NBEAL1: variants seen among roughly 807,000 people sequenced by gnomAD.
NBEAL1 encodes the protein neurobeachin like 1, also known as neurobeachin-like protein 1.
In NBEAL1, 273 loss-of-function variants were observed where a neutral mutation model predicts 351.3. That is an observed-to-expected ratio of 0.78 (90% CI 0.70 to 0.86). The LOEUF is 0.86. Ranked by LOEUF, NBEAL1 falls within the 40% of genes least tolerant of loss-of-function variation. The probability of loss-of-function intolerance (pLI) is 0.00; values close to 1 mark genes in which losing one functional copy is unlikely to be tolerated. For missense variants in NBEAL1, 2,961 were observed against 3,201.3 expected (o/e 0.92, Z 1.81); for synonymous variants, 1,050 against 1,086.4 (o/e 0.97, Z 0.66).
At position 203,202,765 on chromosome 2, in the gene NBEAL1, G is replaced by A; in HGVS notation, c.7490G>A (p.Trp2497Ter). 2 of 1,579,750 alleles carry A rather than the reference G, an allele frequency of 1.3e-6. No homozygotes were observed. Among genetic ancestry groups the A allele is most frequent in the Non-Finnish European group, 1.7e-6 (2 of 1,149,696 alleles). ...TCCAGAGATACTACATGTATGATAT[G>A]GCAAATAACACAACAGGTAGTCACA... ...SGSRDTTCMI[W>*]QITQQGGVPV... The change falls in exon 51 of 56, where the codon TGG (tryptophan) becomes TAG (stop). Residue 2497 changes from tryptophan to a stop codon, truncating the protein, a stop_gained. Coordinates refer to ENST00000683969, the MANE Select transcript of NBEAL1 (RefSeq NM_001378026.1). LOFTEE classifies it high-confidence loss of function.
rs182529739 is a variant in NBEAL1 at position 203,144,714 on chromosome 2, A to G, written c.4963A>G (p.Ile1655Val). The change falls in exon 32 of 56, where the codon ATC becomes GTC. Residue 1655 changes from isoleucine (I) to valine (V), a missense_variant. Physicochemically the swap from Ile to Val is conservative, Grantham distance 29. Coordinates refer to ENST00000683969, the MANE Select transcript of NBEAL1 (RefSeq NM_001378026.1). ...GKLEHVLSQSIKEQTEIYSFL... is the reference protein window; with the variant it reads ...GKLEHVLSQSVKEQTEIYSFL... ...GCTGGAACATGTTCTAAGTCAATCA[A>G]TCAAGGAACAGACTGAAATCTACTC... 8,299 of 1,614,164 alleles carry G rather than the reference A, an allele frequency of 5.1e-3. 69 individuals are homozygous for G. Among genetic ancestry groups the G allele is most frequent in the South Asian group, 5.0e-3 (459 of 91,086 alleles).
chr2:203,211,955 T>C (rs545927800), intron 54 of NBEAL1, among the ~76,000 whole-genome samples: 4 of 152,094 alleles, frequency 2.6e-5, no homozygotes, highest in Non-Finnish European at 5.9e-5. Flanking sequence ...TGGCATGATA[T>C]TGGCTCACTG....
intron 4 of NBEAL1, among the ~76,000 whole-genome samples, chr2:203,053,098 A>G (rs2061349298): frequency 6.6e-6 from 1 of 152,152 alleles, no homozygotes; most frequent in Admixed American, 6.5e-5. Flanking sequence ...TAAATGCTGA[A>G]GAGTATAATT....
chr2:203,091,477 A>G (rs989795380), intron 10 of NBEAL1, among the ~76,000 whole-genome samples: 5 of 152,140 alleles, frequency 3.3e-5, no homozygotes, highest in Non-Finnish European at 7.4e-5. Context: ...TCTTTTGTGT[A>G]TATACCCAGA....
chr2:203,170,756 T>C (rs1330033269), intron 39 of NBEAL1, among the ~76,000 whole-genome samples: 2 of 152,210 alleles, frequency 1.3e-5, no homozygotes, highest in East Asian at 1.9e-4. Context: ...ACGTTTCCTG[T>C]TGCCTCTGCA....
At position 203,168,893 on chromosome 2, in the gene NBEAL1, CAAAAAAAAAAA is replaced by C. The variant is rs35683401; in HGVS notation, c.5998-844_5998-834del. 6.2e-5 allele frequency among the ~76,000 whole-genome samples: 6 copies of C among 97,286 alleles called. No homozygotes were observed. In the Admixed American group the frequency reaches 8.0e-4, roughly 13 times the overall value. 63.8% of individuals were successfully genotyped at this position (97,286 alleles called of 152,430 possible). ...TGGGTGACAGAGCGAGACTCCATCT[CAAAAAAAAAAA>C]AAAAAAAAAGGCAATTTCCATTATT... On this transcript the variant is annotated intron_variant, in intron 38 of 55. Coordinates refer to ENST00000683969, the MANE Select transcript of NBEAL1 (RefSeq NM_001378026.1).
In NBEAL1 at chr2:203,051,495, G is replaced by A. The variant is rs989680291; in HGVS notation, c.305+1520G>A. On this transcript the variant is annotated intron_variant, in intron 4 of 55. Transcript: ENST00000683969. The stretch of plus-strand genomic sequence containing the variant: ...TGGGAGGCGGAGGTTTCAGTGTGCC[G>A]AGATCATGCCATTGCACTTCAGCCT... Among the ~76,000 whole-genome samples, 9 of 151,182 alleles carry A rather than the reference G, an allele frequency of 6.0e-5. No homozygotes were observed. In the East Asian group the frequency reaches 7.8e-4, roughly 13 times the overall value.
In NBEAL1 at chr2:203,127,843, A is replaced by C. The variant is rs765497528; in HGVS notation, c.3311A>C (p.Tyr1104Ser). 4 of 1,541,158 alleles carry C rather than the reference A, an allele frequency of 2.6e-6. No individual in the cohort carries two copies. Among genetic ancestry groups the C allele is most frequent in the Non-Finnish European group, 3.5e-6 (4 of 1,135,900 alleles). The change falls in exon 24 of 56, where the codon TAT becomes TCT. Residue 1104 changes from tyrosine (Y) to serine (S), a missense_variant. By Grantham distance (144) the Tyr-to-Ser change is moderately radical. Coordinates refer to ENST00000683969, the MANE Select transcript of NBEAL1 (RefSeq NM_001378026.1). Reference protein sequence around the residue: ...DDIRTIRTSLYGLIKYFLCKG... With the variant: ...DDIRTIRTSLSGLIKYFLCKG... ...ATTCGAACAATAAGGACTTCTTTGT[A>C]TGGACTAATTAAATATTTTCTGTGC...
chr2:203,184,108 CA>C (rs1175348052), intron 44 of NBEAL1, among the ~76,000 whole-genome samples: 1 of 121,810 alleles, frequency 8.2e-6, no homozygotes, highest in Non-Finnish European at 1.8e-5. Context: ...AAGAAACAAA[CA>C]AAAAAAGGCA....
In NBEAL1 at chr2:203,171,944, A is replaced by G. The variant is rs772824058; in HGVS notation, c.6119A>G (p.Glu2040Gly). The change falls in exon 40 of 56, where the codon GAG becomes GGG. Residue 2040 changes from glutamate to glycine, a missense_variant. Physicochemically the swap from Glu to Gly is moderately conservative, Grantham distance 98. Coordinates refer to ENST00000683969, the MANE Select transcript of NBEAL1 (RefSeq NM_001378026.1). ...SGLTQKWVNR[E>G]ISNFDYLIQI... Reference sequence around the variant, plus strand: ...GCTGTCTAGAAATGGGTAAACAGAGAGATATCAAATTTTGACTACCTCATT... The same window carrying G: ...GCTGTCTAGAAATGGGTAAACAGAGGGATATCAAATTTTGACTACCTCATT... The G allele has an allele frequency of 6.2e-6, 10 of 1,600,396 alleles. No individual in the cohort carries two copies. The highest frequency in any genetic ancestry group is 5.2e-5 in the Admixed American group (3 of 57,148).
intron 41 of NBEAL1, 105 bp downstream of exon 41, chr2:203,172,958 A>G (rs548947387): frequency 2.5e-6 from 2 of 790,614 alleles, no homozygotes; most frequent in East Asian, 3.0e-5. Context: ...TCGTACTACT[A>G]CTTTTGATAA....
At chr2:203,038,413 G>C (rs1281614558) in intron 2 of NBEAL1, among the ~76,000 whole-genome samples, 1 of 148,948 alleles carries the variant, frequency 6.7e-6, no homozygotes, top group East Asian at 1.9e-4. Flanking sequence ...GTATATAATA[G>C]TACCTTATTT....
chr2:203,157,235 G>A (rs538846614), intron 35 of NBEAL1, among the ~76,000 whole-genome samples: 73 of 152,054 alleles, frequency 4.8e-4, no homozygotes, highest in Middle Eastern at 3.4e-3. Context: ...AGTTCCATGT[G>A]GTCCAGAAAG....
intron 2 of NBEAL1, among the ~76,000 whole-genome samples, chr2:203,018,236 G>T (rs753288922): frequency 4.1e-5 from 6 of 146,748 alleles, no homozygotes; most frequent in Admixed American, 6.9e-5. Flanking sequence ...CAAACCAGCT[G>T]ACTTTTTTTT....
chr2:203,113,848 G>A (rs1328224971), intron 17 of NBEAL1, among the ~76,000 whole-genome samples: 2 of 140,252 alleles, frequency 1.4e-5, no homozygotes, highest in Non-Finnish European at 3.0e-5. Context: ...TTGAGATGGA[G>A]TCTGGCTGTG....
At chr2:203,212,583 G>T (rs1161419189) in intron 54 of NBEAL1, among the ~76,000 whole-genome samples, 1 of 150,484 alleles carries the variant, frequency 6.6e-6, no homozygotes, top group Non-Finnish European at 1.5e-5. Flanking sequence ...CTCCAGCCTG[G>T]GTGACAGAGC....
chr2:203,181,119 A>T (rs533149449), intron 43 of NBEAL1: 1 of 149,696 alleles, frequency 6.7e-6, no homozygotes, highest in South Asian at 2.1e-4. Context: ...TTTTGTAGAG[A>T]TGGGGTCTCA....
At chr2:203,182,808 C>T (rs2064770974) in intron 43 of NBEAL1, 1 of 152,174 alleles carries the variant, frequency 6.6e-6, no homozygotes, top group East Asian at 1.9e-4. Context: ...ATGTTCTAAC[C>T]TATGAGCAAA....
rs530573319 is a variant in NBEAL1, at chr2:203,082,428, G to A, written c.685-791G>A. Among the ~76,000 whole-genome samples, 90 of 152,252 alleles carry A rather than the reference G, an allele frequency of 5.9e-4. 2 individuals are homozygous for A. In the South Asian group the frequency reaches 0.014, roughly 24 times the overall value. Reference sequence around the variant, plus strand: ...AATTATTGATGAAAACAGTCCTAATGGCTTAAGTGCTAATTCAGATAATTT... The same window carrying A: ...AATTATTGATGAAAACAGTCCTAATAGCTTAAGTGCTAATTCAGATAATTT... On this transcript the variant is annotated intron_variant, in intron 8 of 55. Coordinates refer to ENST00000683969, the MANE Select transcript of NBEAL1 (RefSeq NM_001378026.1).
Sources: gnomAD v4.1 joint callset for allele counts (sites outside exome capture counted in the v4.1 genomes callset) on GRCh38, gnomAD v4.1.1 for gene constraint, MANE v1.5 for transcripts, NCBI Gene and HGNC (gene_info 2026-07-23, HGNC 2026-07-21) for gene names.